Variants in MGAT4C observed in about 807,000 individuals in gnomAD.
The protein encoded by MGAT4C is MGAT4 family member C, also known as alpha-1,3-mannosyl-glycoprotein 4-beta-N-acetylglucosaminyltransferase C.
In MGAT4C, 19 loss-of-function variants were observed where a neutral mutation model predicts 40.1. That is an observed-to-expected ratio of 0.47 (90% CI 0.33 to 0.70). MGAT4C has a LOEUF of 0.70. MGAT4C is among the 30% of genes least tolerant of loss of function. The probability of loss-of-function intolerance (pLI) is 0.02; values close to 1 mark genes in which losing one functional copy is unlikely to be tolerated. For missense variants in MGAT4C, 491 were observed against 563.2 expected (o/e 0.87, Z 1.30); for synonymous variants, 181 against 187.1 (o/e 0.97, Z 0.27).
intron 1 of MGAT4C, among the ~76,000 whole-genome samples, chr12:86,185,726 A>T (rs1888683809): frequency 6.6e-6 from 1 of 152,204 alleles, no homozygotes; most frequent in Non-Finnish European, 1.5e-5. Flanking sequence ...TAATTAAATT[A>T]TCTTAAAGAT....
chr12:86,292,899 A>G (rs1479598739), intron 4 of MGAT4C, among the ~76,000 whole-genome samples: 1 of 151,932 alleles, frequency 6.6e-6, no homozygotes, highest in Non-Finnish European at 1.5e-5. Context: ...CAATTTACTA[A>G]TGGGATTAAA....
intron 2 of MGAT4C, among the ~76,000 whole-genome samples, chr12:86,659,937 A>C (rs895908459): frequency 5.9e-5 from 9 of 152,206 alleles, no homozygotes; most frequent in African/African-American, 1.9e-4. Context: ...ATTAAAAAAA[A>C]AAAAAAGCTA....
chr12:86,213,054 G>A (rs1566156266), intron 1 of MGAT4C, among the ~76,000 whole-genome samples: 1 of 152,032 alleles, frequency 6.6e-6, no homozygotes, highest in African/African-American at 2.4e-5. Context: ...TTTCCCAATG[G>A]AATTCAGGAA....
At chr12:86,264,518 G>A (rs1952737611) in intron 4 of MGAT4C, among the ~76,000 whole-genome samples, 1 of 152,132 alleles carries the variant, frequency 6.6e-6, no homozygotes, top group Non-Finnish European at 1.5e-5. Flanking sequence ...GGGAAGCAAG[G>A]AACAGGTGGA....
chr12:86,414,611 A>C (rs1956672566), intron 3 of MGAT4C, among the ~76,000 whole-genome samples: 1 of 152,100 alleles, frequency 6.6e-6, no homozygotes, highest in Non-Finnish European at 1.5e-5. Flanking sequence ...TTTAGAGCCA[A>C]AATAAATTCA....
intron 2 of MGAT4C, among the ~76,000 whole-genome samples, chr12:86,708,378 G>A (rs1565940042): frequency 6.6e-6 from 1 of 152,358 alleles, no homozygotes; most frequent in East Asian, 1.9e-4. Context: ...ATGCCTGGGG[G>A]TCCAGACAGA....
At chr12:86,446,870 T>C (rs1220775288) in intron 2 of MGAT4C, among the ~76,000 whole-genome samples, 2 of 151,298 alleles carry the variant, frequency 1.3e-5, no homozygotes, top group Non-Finnish European at 2.9e-5. Context: ...AATGTAAACA[T>C]TATATGTAAA....
At chr12:86,399,074 G>T (rs1383084125) in intron 3 of MGAT4C, among the ~76,000 whole-genome samples, 1 of 151,996 alleles carries the variant, frequency 6.6e-6, no homozygotes, top group South Asian at 2.1e-4. Context: ...GGATTCAAGC[G>T]ATTCTCCTGC....
Position 86,141,824 on chromosome 12 carries a change from C to T in MGAT4C, c.-56-92101G>A, listed in dbSNP as rs1424000101. On this transcript the variant is annotated intron_variant, in intron 1 of 4. Transcript: ENST00000611864. ...TATACAATTCAAGTGCAATTCATAC[C>T]CGCTAAGACTATTTCTGGTGGCTTC... Among the ~76,000 whole-genome samples, 5 of 152,016 alleles carry T rather than the reference C, an allele frequency of 3.3e-5. No individual in the cohort carries two copies. The East Asian group carries it at 9.7e-4, about 29-fold the overall frequency.
At chr12:86,715,984 T>C (rs1021617763) in intron 2 of MGAT4C, among the ~76,000 whole-genome samples, 2 of 152,134 alleles carry the variant, frequency 1.3e-5, no homozygotes, top group Non-Finnish European at 2.9e-5. Context: ...TGTGCTATTA[T>C]TTGCTTCAAT....
chr12:86,262,630 G>C (rs964787366), intron 4 of MGAT4C, among the ~76,000 whole-genome samples: 2 of 151,940 alleles, frequency 1.3e-5, no homozygotes, highest in East Asian at 3.9e-4. Context: ...TACTCTCTTA[G>C]GCATATGATT....
At chr12:86,083,879 G>A (rs1871282959) in intron 1 of MGAT4C, among the ~76,000 whole-genome samples, 1 of 151,994 alleles carries the variant, frequency 6.6e-6, no homozygotes, top group South Asian at 2.1e-4. Flanking sequence ...CACCTGTCCA[G>A]GATCTATGTC....
At chr12:86,375,271 A>C (rs1287611436) in intron 3 of MGAT4C, among the ~76,000 whole-genome samples, 1 of 152,200 alleles carries the variant, frequency 6.6e-6, no homozygotes, top group Non-Finnish European at 1.5e-5. Context: ...TACCACTGGA[A>C]ATAATAGTAG....
At chr12:86,804,279 G>A (rs1425393505) in intron 1 of MGAT4C, among the ~76,000 whole-genome samples, 31 of 112,124 alleles carry the variant, frequency 2.8e-4, no homozygotes, top group East Asian at 2.3e-3. Flanking sequence ...GGTGGGGGGA[G>A]GGGGGAGGGA....
At chr12:86,739,265 CCTGTCCTAAAGATATG>C (rs1287168336) in intron 1 of MGAT4C, among the ~76,000 whole-genome samples, 1 of 149,756 alleles carries the variant, frequency 6.7e-6, no homozygotes, top group African/African-American at 2.4e-5. Context: ...GTTTGTAGTA[CCTGTCCTAAAGATATG>C]CTGTTATATT....
Position 86,049,694 on chromosome 12 carries a change from A to T in MGAT4C, c.-27T>A. The T allele has an allele frequency of 1.0e-6, 1 of 984,038 alleles. No individual in the cohort carries two copies. The highest frequency in any genetic ancestry group is 1.2e-6 in the Non-Finnish European group (1 of 828,390). The allele number at this position is 984,038 out of a possible 1,614,324, so 61.0% of individuals were successfully genotyped here. A position where few individuals can be genotyped will look rare whatever the true frequency, so the allele number is the denominator to read the frequency against. ...CTCACCTTAAGAAAGACGCTGTCAT[A>T]ATCTGTGCTGTACAGAAACCGTTGA... On this transcript the variant is annotated 5_prime_UTR_variant, in exon 2 of 5. Transcript: ENST00000611864.
chr12:86,301,628 C>T lies in MGAT4C; in HGVS notation c.-57+32437G>A, dbSNP rs12316205. The stretch of plus-strand genomic sequence containing the variant: ...TTTGTTTTGAAAGACAAATTATCCT[C>T]TATTTTCATCTGACCTCTGCATATG... On this transcript the variant is annotated intron_variant, in intron 4 of 7. Transcript: ENST00000548651. Among the ~76,000 whole-genome samples, 1,196 of 152,278 alleles carry T rather than the reference C, an allele frequency of 7.9e-3. 21 individuals carry two copies. The highest frequency in any genetic ancestry group is 0.028 in the African/African-American group (1,144 of 41,566).
At chr12:86,771,603 T>C (rs2136169016) in intron 1 of MGAT4C, among the ~76,000 whole-genome samples, 1 of 152,150 alleles carries the variant, frequency 6.6e-6, no homozygotes, top group Non-Finnish European at 1.5e-5. Flanking sequence ...ATCCCAGACT[T>C]TGGGAGGCCA....
chr12:86,576,092 A>T (rs1334457033), intron 2 of MGAT4C, among the ~76,000 whole-genome samples: 1 of 151,966 alleles, frequency 6.6e-6, no homozygotes, highest in Non-Finnish European at 1.5e-5. Context: ...GATGCTAAGC[A>T]TCTTTTTATA....
Sources: allele counts gnomAD v4.1 joint callset (sites outside exome capture counted in the v4.1 genomes callset), GRCh38; gene constraint gnomAD v4.1.1; transcripts MANE v1.5; gene names NCBI Gene and HGNC (gene_info 2026-07-23, HGNC 2026-07-21).